TTC39B: variants seen among roughly 807,000 people sequenced by gnomAD.
TTC39B encodes tetratricopeptide repeat domain 39B, also known as tetratricopeptide repeat protein 39B.
TTC39B carries 92 observed loss-of-function variants against 96.6 expected under a neutral mutation model. The ratio of observed to expected loss-of-function variants is 0.95; its 90% confidence interval spans 0.80 to 1.13. TTC39B has a LOEUF of 1.13. Ranked by LOEUF, TTC39B falls within the 50% of genes most tolerant of loss-of-function variation. The pLI is 0.00. For synonymous variants in TTC39B, 367 were observed against 299.4 expected, an observed-to-expected ratio of 1.23 and a Z score of -2.33; for missense variants, 955 against 809.3, an observed-to-expected ratio of 1.18 and a Z score of -2.18.
At position 15,255,957 on chromosome 9, in the gene TTC39B, C is replaced by A. The variant is rs1822735476; in HGVS notation, c.275+11957G>T. ...CTACATTTTTTTCTTTAATTTACTGCAAATCCTAGCAGTCTACTCTGAGGA... is the reference window on the plus strand; with the variant it reads ...CTACATTTTTTTCTTTAATTTACTGAAAATCCTAGCAGTCTACTCTGAGGA... On this transcript the variant is annotated intron_variant, in intron 2 of 19. Transcript: ENST00000512701. Among the ~76,000 whole-genome samples, 3 of 152,114 alleles carry A rather than the reference C, an allele frequency of 2.0e-5. No homozygotes were observed. In the South Asian group the frequency reaches 6.2e-4, roughly 31 times the overall value.
chr9:15,250,967 G>T (rs753509550), intron 2 of TTC39B, among the ~76,000 whole-genome samples: 4 of 152,232 alleles, frequency 2.6e-5, no homozygotes, highest in Non-Finnish European at 4.4e-5. Flanking sequence ...GGAGGCTGAG[G>T]GGGGCAGATC....
intron 19 of TTC39B, among the ~76,000 whole-genome samples, chr9:15,174,756 G>C (rs948197878): frequency 2.0e-5 from 3 of 152,058 alleles, no homozygotes; most frequent in South Asian, 2.1e-4. Flanking sequence ...CCCTGATATA[G>C]AATAAAATAA....
intron 7 of TTC39B, among the ~76,000 whole-genome samples, chr9:15,201,483 G>A (rs1819536532): frequency 6.6e-6 from 1 of 152,186 alleles, no homozygotes; most frequent in Non-Finnish European, 1.5e-5. Flanking sequence ...ATGCCTCCTG[G>A]AAGCATTGGT....
intron 2 of TTC39B, among the ~76,000 whole-genome samples, chr9:15,229,626 T>C (rs867080296): frequency 2.6e-5 from 4 of 152,190 alleles, no homozygotes; most frequent in African/African-American, 7.2e-5. Flanking sequence ...CTGACATGCG[T>C]TGATTCCATA....
chr9:15,273,056 A>C (rs1823413452), intron 1 of TTC39B, among the ~76,000 whole-genome samples: 1 of 152,214 alleles, frequency 6.6e-6, no homozygotes. Flanking sequence ...TTTCCATCTT[A>C]ACTCGCTAGC....
At position 15,307,150 on chromosome 9, in the gene TTC39B, C is replaced by G. The variant is rs1005704800; in HGVS notation, c.174G>C (p.Leu58Phe). The change falls in exon 1 of 20, where the codon TTG (leucine) becomes TTC (phenylalanine). Residue 58 changes from leucine (L) to phenylalanine (F), a missense_variant. By Grantham distance (22) the Leu-to-Phe change is conservative. Transcript: ENST00000512701. ...TATTCCTCCTCTGGCTGCTGCCACC[C>G]AAAAACCAAGCAGGGAACTCAGAGC... The G allele has an allele frequency of 2.5e-6, 4 of 1,606,572 alleles. No individual in the cohort carries two copies. The East Asian group carries it at 9.0e-5, about 36-fold the overall frequency.
At chr9:15,194,257 T>C (rs925646170) in intron 8 of TTC39B, among the ~76,000 whole-genome samples, 3 of 152,214 alleles carry the variant, frequency 2.0e-5, no homozygotes, top group African/African-American at 4.8e-5. Flanking sequence ...TACTTTCTTA[T>C]GTTTCCTGCT....
chr9:15,177,162 T>C (rs1324260589), intron 18 of TTC39B, among the ~76,000 whole-genome samples: 6 of 151,962 alleles, frequency 3.9e-5, no homozygotes, highest in Admixed American at 3.9e-4. Flanking sequence ...GACAAATAAA[T>C]GTATGAATTA....
intron 8 of TTC39B, among the ~76,000 whole-genome samples, chr9:15,198,594 C>A (rs4741474): frequency 6.6e-6 from 1 of 151,104 alleles, no homozygotes; most frequent in African/African-American, 2.4e-5. Flanking sequence ...AACTTAAAAA[C>A]AATATTATAA....
At chr9:15,263,243 C>T (rs951114695) in intron 2 of TTC39B, among the ~76,000 whole-genome samples, 7 of 152,190 alleles carry the variant, frequency 4.6e-5, no homozygotes, top group African/African-American at 1.7e-4. Flanking sequence ...CACACTCTTA[C>T]AAGGGAGAGC....
At position 15,180,840 on chromosome 9, in the gene TTC39B, A is replaced by C. The variant is rs1392607534; in HGVS notation, c.1723+1467T>G. On this transcript the variant is annotated intron_variant, in intron 17 of 19. Transcript: ENST00000512701. ...AAGAGGTCATCATAAGTTTCACATG[A>C]AATATCTGGCAAAGGTGATCTTCAG... 3.3e-5 allele frequency among the ~76,000 whole-genome samples: 5 copies of C among 152,212 alleles called. 1 individual carries two copies. The highest frequency in any genetic ancestry group is 7.3e-5 in the Non-Finnish European group (5 of 68,028).
At chr9:15,174,769 T>G (rs1415947171) in intron 19 of TTC39B, among the ~76,000 whole-genome samples, 1 of 152,172 alleles carries the variant, frequency 6.6e-6, no homozygotes, top group South Asian at 2.1e-4. Flanking sequence ...TAAAATAAGT[T>G]AGAAATCTTT....
exon 20 of TTC39B, chr9:15,164,618 A>T (rs1817485352): frequency 6.6e-6 from 1 of 152,210 alleles, no homozygotes; most frequent in African/African-American, 2.4e-5. Flanking sequence ...TTTACATTTG[A>T]TTTAGCAATG....
exon 20 of TTC39B, chr9:15,169,112 A>C (rs1052568572): frequency 6.6e-6 from 1 of 152,148 alleles, no homozygotes; most frequent in African/African-American, 2.4e-5. Flanking sequence ...CTGGTTATTG[A>C]TTTTAGACTG....
intron 8 of TTC39B, among the ~76,000 whole-genome samples, chr9:15,193,500 T>C (rs114912900): frequency 0.012 from 1,796 of 152,322 alleles, 38 homozygotes; most frequent in African/African-American, 0.042. Flanking sequence ...TAGCCAAATA[T>C]TTTTAATCTG....
At chr9:15,286,513 G>C (rs1823980615) in intron 1 of TTC39B, among the ~76,000 whole-genome samples, 1 of 152,138 alleles carries the variant, frequency 6.6e-6, no homozygotes, top group Non-Finnish European at 1.5e-5. Flanking sequence ...TGTTAATTTT[G>C]GTCACCTGGT....
At chr9:15,300,860 C>G (rs903560617) in intron 1 of TTC39B, among the ~76,000 whole-genome samples, 7 of 139,646 alleles carry the variant, frequency 5.0e-5, no homozygotes, top group African/African-American at 1.8e-4. Context: ...CTACTTCACT[C>G]CAGCCTGGGT....
chr9:15,241,310 C>T (rs532797069), intron 2 of TTC39B, among the ~76,000 whole-genome samples: 2 of 151,472 alleles, frequency 1.3e-5, no homozygotes, highest in African/African-American at 4.8e-5. Context: ...AAAAAAAACT[C>T]TGCAAAACAA....
chr9:15,302,030 G>C (rs1012008535), intron 1 of TTC39B, among the ~76,000 whole-genome samples: 5 of 152,156 alleles, frequency 3.3e-5, no homozygotes, highest in Admixed American at 6.5e-5. Flanking sequence ...TATTTTAAAA[G>C]TTAAGTGTAA....
Sources: gnomAD v4.1 joint callset for allele counts (sites outside exome capture counted in the v4.1 genomes callset) on GRCh38, gnomAD v4.1.1 for gene constraint, MANE v1.5 for transcripts, NCBI Gene and HGNC (gene_info 2026-07-23, HGNC 2026-07-21) for gene names.